FOXP1: variants seen among roughly 807,000 people sequenced by gnomAD.
The protein encoded by FOXP1 is forkhead box P1.
In FOXP1, 15 loss-of-function variants were observed where a neutral mutation model predicts 98.2. The ratio of observed to expected loss-of-function variants is 0.15; its 90% CI spans 0.10 to 0.24. The LOEUF (loss-of-function observed/expected upper bound fraction) is 0.24. Among genes scored for constraint, FOXP1 ranks in the 10% least tolerant of loss-of-function variants. The pLI, the probability that FOXP1 is intolerant of heterozygous loss-of-function variation, is 1.00. For missense variants in FOXP1, 633 were observed against 848.5 expected, an observed-to-expected ratio of 0.75 and a Z score of 3.15; for synonymous variants, 371 against 314.5, an observed-to-expected ratio of 1.18 and a Z score of -1.90.
At chr3:71,217,248 T>C (rs1436123471) in intron 5 of FOXP1, among the ~76,000 whole-genome samples, 3 of 151,998 alleles carry the variant, frequency 2.0e-5, no homozygotes, top group East Asian at 3.9e-4. Flanking sequence ...AAGTTTTGTA[T>C]TTTTAGTAGA....
intron 2 of FOXP1, chr3:71,581,198 A>G (rs2048134210): frequency 1.0e-6 from 1 of 985,274 alleles, no homozygotes; most frequent in Non-Finnish European, 1.2e-6. Flanking sequence ...CAGCCCAGCA[A>G]GGGTATTTGG....
intron 5 of FOXP1, among the ~76,000 whole-genome samples, chr3:71,261,535 T>C (rs1054521348): frequency 1.3e-5 from 2 of 152,190 alleles, no homozygotes; most frequent in East Asian, 1.9e-4. Context: ...ATGCTGAAAT[T>C]AACAAGATTT....
chr3:71,125,206 T>A (rs1025238540), intron 6 of FOXP1, among the ~76,000 whole-genome samples: 2 of 152,186 alleles, frequency 1.3e-5, no homozygotes, highest in Non-Finnish European at 2.9e-5. Flanking sequence ...AAGAAAATGG[T>A]AACTAACACT....
intron 6 of FOXP1, among the ~76,000 whole-genome samples, chr3:71,121,910 A>C (rs968820227): frequency 4.6e-5 from 7 of 151,322 alleles, no homozygotes; most frequent in African/African-American, 1.7e-4. Flanking sequence ...GGATAAATGA[A>C]TCAAAAGGCT....
At chr3:71,394,064 C>A (rs1235951441) in intron 3 of FOXP1, among the ~76,000 whole-genome samples, 1 of 152,168 alleles carries the variant, frequency 6.6e-6, no homozygotes, top group Non-Finnish European at 1.5e-5. Context: ...CACATGGAAA[C>A]AAAAGCCAAC....
At chr3:71,360,305 C>T (rs2078468597) in intron 3 of FOXP1, among the ~76,000 whole-genome samples, 1 of 152,188 alleles carries the variant, frequency 6.6e-6, no homozygotes, top group Admixed American at 6.5e-5. Context: ...AAGCTCTCTC[C>T]TGACAGCCAA....
intron 6 of FOXP1, among the ~76,000 whole-genome samples, chr3:71,171,767 T>A (rs930994497): frequency 6.6e-6 from 1 of 152,242 alleles, no homozygotes; most frequent in Admixed American, 6.5e-5. Context: ...AAAAGTTGTA[T>A]TGACACACAG....
chr3:71,268,659 A>G (rs1317463102), intron 5 of FOXP1, among the ~76,000 whole-genome samples: 1 of 152,154 alleles, frequency 6.6e-6, no homozygotes, highest in African/African-American at 2.4e-5. Flanking sequence ...AATCTTACAG[A>G]CTTCTGTTAG....
intron 4 of FOXP1, among the ~76,000 whole-genome samples, chr3:71,328,471 T>C (rs956122533): frequency 5.9e-5 from 9 of 152,170 alleles, no homozygotes; most frequent in Non-Finnish European, 1.3e-4. Flanking sequence ...ATGAGATGCC[T>C]GCTGGAGTCA....
chr3:71,561,138 C>T (rs1387893419), intron 2 of FOXP1, among the ~76,000 whole-genome samples: 2 of 152,048 alleles, frequency 1.3e-5, no homozygotes, highest in African/African-American at 4.8e-5. Context: ...CTCACTGCAA[C>T]CTCCGACTCC....
intron 6 of FOXP1, among the ~76,000 whole-genome samples, chr3:71,118,015 G>C (rs1017940554): frequency 6.6e-6 from 1 of 152,154 alleles, no homozygotes; most frequent in Admixed American, 6.5e-5. Context: ...TGGCAGGCAC[G>C]CATCACTTTC....
chr3:71,330,126 T>G (rs1233277066), intron 4 of FOXP1, among the ~76,000 whole-genome samples: 1 of 152,230 alleles, frequency 6.6e-6, no homozygotes, highest in Non-Finnish European at 1.5e-5. Flanking sequence ...CTGCTATGCT[T>G]CAAAGCTGAA....
chr3:71,557,920 G>A (rs892335917), intron 2 of FOXP1, among the ~76,000 whole-genome samples: 2 of 152,192 alleles, frequency 1.3e-5, no homozygotes, highest in Non-Finnish European at 1.5e-5. Flanking sequence ...AGGTTCACGT[G>A]ATTCTCCTGC....
intron 5 of FOXP1, among the ~76,000 whole-genome samples, chr3:71,293,917 T>C (rs777516296): frequency 6.6e-6 from 1 of 152,212 alleles, no homozygotes; most frequent in African/African-American, 2.4e-5. Context: ...AACCATTCTC[T>C]TAGATTTAAA....
intron 3 of FOXP1, among the ~76,000 whole-genome samples, chr3:71,386,840 T>A (rs759129050): frequency 6.6e-6 from 1 of 151,656 alleles, no homozygotes; most frequent in Non-Finnish European, 1.5e-5. Flanking sequence ...GCCTTGCCCA[T>A]AGCAAATGTT....
chr3:71,199,413 T>C (rs2063513863), intron 5 of FOXP1, among the ~76,000 whole-genome samples: 1 of 151,206 alleles, frequency 6.6e-6, no homozygotes, highest in African/African-American at 2.4e-5. Flanking sequence ...TGGCCTAAGG[T>C]ACTAAAATTC....
At chr3:71,137,590 T>C (rs2059881552) in intron 6 of FOXP1, among the ~76,000 whole-genome samples, 1 of 152,050 alleles carries the variant, frequency 6.6e-6, no homozygotes, top group South Asian at 2.1e-4. Context: ...CTTTTGTGGC[T>C]CCAGTTTGGG....
Position 70,956,385 on chromosome 3 carries a change from A to G in FOXP1, c.*2862T>C, listed in dbSNP as rs1315994128. 8 of 231,056 alleles carry G rather than the reference A, an allele frequency of 3.5e-5. No homozygotes were observed. In the East Asian group the frequency reaches 4.9e-4, roughly 14 times the overall value. The allele number at this position is 231,056 out of a possible 1,614,324, so 14.3% of individuals were successfully genotyped here. A position where few individuals can be genotyped will look rare whatever the true frequency, so the allele number is the denominator to read the frequency against. The stretch of plus-strand genomic sequence containing the variant: ...GTTGGTTCTTCTGCAAGGCTGTGAT[A>G]CCTGCAAAGATATGTAAAATCTAAT... On this transcript the variant is annotated 3_prime_UTR_variant, in exon 21 of 21. Transcript: ENST00000649528.
intron 5 of FOXP1, among the ~76,000 whole-genome samples, chr3:71,281,638 A>G (rs2071578952): frequency 6.6e-6 from 1 of 152,176 alleles, no homozygotes; most frequent in South Asian, 2.1e-4. Context: ...AAGTTCTAAA[A>G]TAACATCATG....
Sources: gnomAD v4.1 joint callset for allele counts (sites outside exome capture counted in the v4.1 genomes callset) on GRCh38, gnomAD v4.1.1 for gene constraint, MANE v1.5 for transcripts, NCBI Gene and HGNC (gene_info 2026-07-23, HGNC 2026-07-21) for gene names.